SNAPC3: variants seen among roughly 807,000 people sequenced by gnomAD.
SNAPC3 encodes the protein snRNA-activating protein complex subunit 3.
Under a neutral mutation model 47.7 loss-of-function variants are expected in SNAPC3, and 56 were observed. The observed-to-expected ratio is 1.18, with a 90% CI of 0.95 to 1.47. The LOEUF (loss-of-function observed/expected upper bound fraction) is 1.47. Among genes scored for constraint, SNAPC3 ranks in the 40% most tolerant of loss-of-function variants. SNAPC3 has a pLI of 0.00. For missense variants in SNAPC3, 665 were observed against 511.3 expected, an observed-to-expected ratio of 1.30 and a Z score of -2.90; for synonymous variants, 235 against 189.9, an observed-to-expected ratio of 1.24 and a Z score of -1.95.
intron 8 of SNAPC3, among the ~76,000 whole-genome samples, chr9:15,459,030 G>T (rs2035004561): frequency 6.6e-6 from 1 of 152,102 alleles, no homozygotes; most frequent in African/African-American, 2.4e-5. Context: ...TACTCAACTT[G>T]TATCTTCAGT....
At position 15,436,090 on chromosome 9, in the gene SNAPC3, C is replaced by T. The variant is rs150545953; in HGVS notation, c.477+2454C>T. The stretch of plus-strand genomic sequence containing the variant: ...AACTCCTGACCTCAGGTGATCCATG[C>T]GCCTCGGTCTCCCAAAGTGCTGGGA... On this transcript the variant is annotated intron_variant, in intron 3 of 8. Transcript: ENST00000380821. Among the ~76,000 whole-genome samples, 178 of 152,238 alleles carry T rather than the reference C, an allele frequency of 1.2e-3. 1 individual carries two copies. Among genetic ancestry groups the T allele is most frequent in the African/African-American group, 4.1e-3 (171 of 41,556 alleles).
chr9:15,457,525 T>A (rs1040029856), intron 7 of SNAPC3, among the ~76,000 whole-genome samples: 5 of 151,936 alleles, frequency 3.3e-5, no homozygotes, highest in Non-Finnish European at 7.4e-5. Flanking sequence ...AGCACAGGAG[T>A]TTGAGGCTAC....
intron 2 of SNAPC3, among the ~76,000 whole-genome samples, chr9:15,426,542 G>A (rs1204402875): frequency 6.6e-6 from 1 of 152,182 alleles, no homozygotes. Flanking sequence ...TGTAGAATGA[G>A]TGGAATAAAT....
At chr9:15,442,302 C>A (rs1403134367) in intron 3 of SNAPC3, among the ~76,000 whole-genome samples, 1 of 147,588 alleles carries the variant, frequency 6.8e-6, no homozygotes, top group Non-Finnish European at 1.5e-5. Context: ...GGCTGCCCCC[C>A]ACCTCCCTCC....
intron 4 of SNAPC3, among the ~76,000 whole-genome samples, chr9:15,445,852 C>T (rs2033887564): frequency 6.6e-6 from 1 of 152,108 alleles, no homozygotes; most frequent in Non-Finnish European, 1.5e-5. Flanking sequence ...AGGAGGATTG[C>T]TTGAGCCCGG....
At chr9:15,441,738 A>C (rs1319299981) in intron 3 of SNAPC3, among the ~76,000 whole-genome samples, 1 of 152,194 alleles carries the variant, frequency 6.6e-6, no homozygotes, top group Non-Finnish European at 1.5e-5. Context: ...ACAGCATCCC[A>C]AGGCAGAAGA....
chr9:15,452,109 T>C (rs1403335892), intron 6 of SNAPC3, among the ~76,000 whole-genome samples: 1 of 151,902 alleles, frequency 6.6e-6, no homozygotes, highest in East Asian at 1.9e-4. Flanking sequence ...ACTACAGGTG[T>C]GTGCCATCAT....
In SNAPC3 at chr9:15,423,088, C is replaced by T. The variant is rs2030775382; in HGVS notation, c.209C>T (p.Ala70Val). Residue 70 changes from alanine (A) to valine (V), a missense_variant, in exon 1 of 9, where the codon GCT (alanine) becomes GTT (valine). Transcript: ENST00000380821. ...TCGCTGAGGGAGCCGCCGGCATCCG[C>T]TCTGCCTGGGAGCCAGGCAGCTGAC... ...DLSLREPPAS[A>V]LPGSQAADSD... 3 of 1,532,400 alleles carry T rather than the reference C, an allele frequency of 2.0e-6. No homozygotes were observed. Among genetic ancestry groups the T allele is most frequent in the South Asian group, 1.2e-5 (1 of 81,376 alleles). 94.9% of individuals were successfully genotyped at this position (1,532,400 alleles called of 1,614,324 possible). A position where few individuals can be genotyped will look rare whatever the true frequency, so the allele number is the denominator to read the frequency against.
intron 2 of SNAPC3, among the ~76,000 whole-genome samples, chr9:15,430,936 C>G (rs956047056): frequency 6.6e-6 from 1 of 152,192 alleles, no homozygotes; most frequent in African/African-American, 2.4e-5. Context: ...AAATTTACCT[C>G]TTTTTCCTGC....
Position 15,447,171 on chromosome 9 carries a change from G to T in SNAPC3, c.659G>T (p.Arg220Leu). 6.2e-7 allele frequency: 1 copy of T among 1,613,846 alleles called. No individual in the cohort carries two copies. Among genetic ancestry groups the T allele is most frequent in the Non-Finnish European group, 8.5e-7 (1 of 1,179,766 alleles). ...CTCACACAACTGAGGGATTCAATTC[G>T]ATGTGTCAGTGACCTCCAGATTGGT... is the stretch of plus-strand genomic sequence containing the variant. ...QKLTQLRDSI[R>L]CVSDLQIGGE... is the part of the protein sequence containing the mutation. The change falls in exon 5 of 9, where the codon CGA (arginine) becomes CTA (leucine). Residue 220 changes from arginine (R) to leucine (L), a missense_variant. Physicochemically the swap from Arg to Leu is moderately radical, Grantham distance 102. Transcript: ENST00000380821.
At chr9:15,451,034 A>AAAC (rs2034345785) in intron 5 of SNAPC3, among the ~76,000 whole-genome samples, 2 of 152,242 alleles carry the variant, frequency 1.3e-5, no homozygotes, top group Admixed American at 6.5e-5. Context: ...GACTTTGTTT[A>AAAC]GGTTTTAGTT....
chr9:15,432,673 C>G (rs2032315227), intron 2 of SNAPC3, among the ~76,000 whole-genome samples: 1 of 152,062 alleles, frequency 6.6e-6, no homozygotes, highest in Non-Finnish European at 1.5e-5. Context: ...TAGGTTCATA[C>G]TAATAGAAAT....
In SNAPC3 at chr9:15,423,948, A is replaced by G; in HGVS notation, c.354A>G (p.Pro118=). ...KLKCLEDGED[P]EVIPENTDLV... is the part of the protein sequence containing the mutation. Reference sequence around the variant, plus strand: ...AATGCCTTGAGGACGGTGAGGATCCAGAAGTCATTCCGGAGAATACTGACC... The same window carrying G: ...AATGCCTTGAGGACGGTGAGGATCCGGAAGTCATTCCGGAGAATACTGACC... Residue 118 remains proline (P), a synonymous_variant, in exon 2 of 9, where the codon CCA becomes CCG. Coordinates refer to ENST00000380821, the MANE Select transcript of SNAPC3 (RefSeq NM_001039697.2). The G allele has an allele frequency of 1.9e-6, 3 of 1,590,556 alleles. No homozygotes were observed. Among genetic ancestry groups the G allele is most frequent in the Non-Finnish European group, 2.6e-6 (3 of 1,169,734 alleles).
intron 3 of SNAPC3, among the ~76,000 whole-genome samples, chr9:15,441,935 G>A (rs1303063360): frequency 4.6e-5 from 7 of 152,162 alleles, no homozygotes; most frequent in Non-Finnish European, 7.4e-5. Flanking sequence ...GGTGGCGGCC[G>A]GGCAGAGGAG....
intron 2 of SNAPC3, among the ~76,000 whole-genome samples, chr9:15,432,897 G>A (rs1476669094): frequency 6.6e-6 from 1 of 152,174 alleles, no homozygotes; most frequent in Non-Finnish European, 1.5e-5. Flanking sequence ...TTTGCATAGT[G>A]TCAAAGTATC....
At chr9:15,429,637 A>G (rs374738085) in intron 2 of SNAPC3, among the ~76,000 whole-genome samples, 2 of 152,226 alleles carry the variant, frequency 1.3e-5, no homozygotes, top group Non-Finnish European at 2.9e-5. Context: ...CAGTAGAACA[A>G]TAATAGAAAT....
chr9:15,423,319 C>T, intron 1 of SNAPC3, 126 bp downstream of exon 1: 5 of 975,316 alleles, frequency 5.1e-6, no homozygotes, highest in Non-Finnish European at 7.2e-6. Context: ...GAGTATTACC[C>T]TTTAAAGCTT....
chr9:15,444,117 A>G (rs984416847), intron 3 of SNAPC3, among the ~76,000 whole-genome samples: 4 of 152,242 alleles, frequency 2.6e-5, no homozygotes, highest in East Asian at 1.9e-4. Flanking sequence ...AGATCAAAAT[A>G]TATTAAAGAT....
chr9:15,424,804 T>G (rs1228087927), intron 2 of SNAPC3, among the ~76,000 whole-genome samples: 1 of 152,378 alleles, frequency 6.6e-6, no homozygotes, highest in Admixed American at 6.5e-5. Flanking sequence ...CTGTCGTTCT[T>G]GATCCTACGC....
Sources: allele counts gnomAD v4.1 joint callset (sites outside exome capture counted in the v4.1 genomes callset), GRCh38; gene constraint gnomAD v4.1.1; transcripts MANE v1.5; gene names NCBI Gene and HGNC (gene_info 2026-07-23, HGNC 2026-07-21).